EGFL7: variants seen among roughly 807,000 people sequenced by gnomAD.
EGFL7 encodes the protein epidermal growth factor-like protein 7.
A neutral mutation model predicts 37.1 loss-of-function variants in EGFL7; 48 were observed. That is an observed-to-expected ratio of 1.29 (90% CI 1.03 to 1.65). The LOEUF is 1.65. EGFL7 is among the 40% of genes most tolerant of loss of function. The pLI, the probability that EGFL7 is intolerant of heterozygous loss-of-function variation, is 0.00. For missense variants in EGFL7, 384 were observed against 378.9 expected (o/e 1.01, Z -0.11); for synonymous variants, 180 against 156.8 (o/e 1.15, Z -1.10).
chr9:136,666,903 C>T lies in EGFL7; in HGVS notation c.-42-1338C>T, dbSNP rs2119111397. 6.6e-6 allele frequency among the ~76,000 whole-genome samples: 1 copy of T among 152,224 alleles called. No homozygotes were observed. Among genetic ancestry groups the T allele is most frequent in the Non-Finnish European group, 1.5e-5 (1 of 67,996 alleles). Reference sequence around the variant, plus strand: ...TCGACAAACTCCTGCCCAAAAACTGCTGTGATGCCCCCCCTGCCCCCAAGC... The same window carrying T: ...TCGACAAACTCCTGCCCAAAAACTGTTGTGATGCCCCCCCTGCCCCCAAGC... On this transcript the variant is annotated intron_variant, in intron 3 of 10. Transcript: ENST00000308874. The surrounding 1 kb of genome is among the most constrained non-coding windows in gnomAD (Gnocchi z 6.8).
chr9:136,664,968 C>T (rs943187142), intron 3 of EGFL7, among the ~76,000 whole-genome samples, 183 bp downstream of exon 3: 1 of 152,262 alleles, frequency 6.6e-6, no homozygotes, highest in Non-Finnish European at 1.5e-5. Context: ...ACGACCTCAC[C>T]GTCACTAGAT....
rs1845978834 is a variant in EGFL7, at chr9:136,672,386, C to G, written c.*100C>G. The stretch of plus-strand genomic sequence containing the variant: ...GGGTCCAGAAACCACCTCGGGGTGA[C>G]TGAGCGGAAGGCCAGGCAGGGCCTT... On this transcript the variant is annotated 3_prime_UTR_variant, in exon 11 of 11. Coordinates refer to ENST00000308874, the MANE Select transcript of EGFL7 (RefSeq NM_016215.5). The G allele has an allele frequency of 6.6e-7, 1 of 1,507,212 alleles. No individual in the cohort carries two copies. The highest frequency in any genetic ancestry group is 1.7e-5 in the Admixed American group (1 of 58,448). The allele number at this position is 1,507,212 out of a possible 1,614,324, so 93.4% of individuals were successfully genotyped here.
chr9:136,662,570 G>A (rs1386138473), upstream of EGFL7, among the ~76,000 whole-genome samples: 1 of 152,160 alleles, frequency 6.6e-6, no homozygotes, highest in African/African-American at 2.4e-5. Flanking sequence ...GCTCCCTTCT[G>A]TCCAGCCACA....
In EGFL7 at chr9:136,670,512, C is replaced by T. The variant is rs78242242; in HGVS notation, c.571+182C>T. ...TCCCGAGAACTGGGGGCAGGTTGCCCGGAGCCTCATATCAGCCAAGAAGGC... is the reference window on the plus strand; with the variant it reads ...TCCCGAGAACTGGGGGCAGGTTGCCTGGAGCCTCATATCAGCCAAGAAGGC... On this transcript the variant is annotated intron_variant, in intron 8 of 10. Transcript: ENST00000308874. 790 of 860,786 alleles carry T rather than the reference C, an allele frequency of 9.2e-4. 3 individuals are homozygous for T. The East Asian group carries it at 0.012, about 13-fold the overall frequency. The allele number at this position is 860,786 out of a possible 1,614,324, so 53.3% of individuals were successfully genotyped here.
chr9:136,672,008 T>TTCCAGCTGGAA lies in EGFL7; in HGVS notation c.719_720insTCCAGCTGGAA (p.Val241ProfsTer17). The TTCCAGCTGGAA allele has an allele frequency of 1.3e-6, 2 of 1,544,250 alleles. No individual in the cohort carries two copies. Among genetic ancestry groups the TTCCAGCTGGAA allele is most frequent in the South Asian group, 2.4e-5 (2 of 84,044 alleles). The stretch of plus-strand genomic sequence containing the variant: ...GGGCTCCCGGACCCCGGCAGCCTCC[T>TTCCAGCTGGAA]GGTGCACTCCTTCCAGCAGCTCGGC... On this transcript the variant is annotated frameshift_variant, in exon 10 of 11. Coordinates refer to ENST00000308874, the MANE Select transcript of EGFL7 (RefSeq NM_016215.5). LOFTEE classifies it high-confidence loss of function.
At chr9:136,661,143 C>T (rs1377138601), upstream of EGFL7, among the ~76,000 whole-genome samples, 1 of 152,158 alleles carries the variant, frequency 6.6e-6, no homozygotes, top group East Asian at 1.9e-4. Context: ...CGCTGGGGGC[C>T]TTCCCGGTGA....
chr9:136,659,544 G>A (rs1845009310), upstream of EGFL7: 1 of 152,262 alleles, frequency 6.6e-6, no homozygotes, highest in African/African-American at 2.4e-5. Flanking sequence ...AAGCACCCTG[G>A]TGAGGGGTCC....
chr9:136,671,983 G>A lies in EGFL7; in HGVS notation c.694G>A (p.Gly232Arg). The A allele has an allele frequency of 1.9e-6, 3 of 1,542,016 alleles. No homozygotes were observed. Among genetic ancestry groups the A allele is most frequent in the Middle Eastern group, 1.9e-4 (1 of 5,266 alleles). ...CCTGGCCTCGCAGGCACTGGAGCAT[G>A]GGCTCCCGGACCCCGGCAGCCTCCT... ...HSLASQALEH[G>R]LPDPGSLLVH... Residue 232 changes from glycine (G) to arginine (R), a missense_variant, in exon 10 of 11, where the codon GGG becomes AGG. By Grantham distance (125) the Gly-to-Arg change is moderately radical. Coordinates refer to ENST00000308874, the MANE Select transcript of EGFL7 (RefSeq NM_016215.5).
At chr9:136,663,991 C>T (rs369358095) in intron 2 of EGFL7, among the ~76,000 whole-genome samples, 1 of 152,236 alleles carries the variant, frequency 6.6e-6, no homozygotes, top group African/African-American at 2.4e-5. Flanking sequence ...GTTAAGTGAC[C>T]GCAGATCCAG....
intron 4 of EGFL7, 24 bp downstream of exon 4, chr9:136,668,386 G>A: frequency 6.4e-7 from 1 of 1,565,904 alleles, no homozygotes; most frequent in Non-Finnish European, 8.7e-7. Flanking sequence ...TAGCCTGGGA[G>A]TGCTGGGGTG....
At chr9:136,662,105 C>T (rs568576051), upstream of EGFL7, among the ~76,000 whole-genome samples, 14 of 152,254 alleles carry the variant, frequency 9.2e-5, no homozygotes, top group African/African-American at 2.6e-4. Context: ...GCTGGGACGC[C>T]GGGAATCTGA....
chr9:136,661,475 G>C (rs577202372), upstream of EGFL7, among the ~76,000 whole-genome samples: 75 of 152,160 alleles, frequency 4.9e-4, no homozygotes, highest in Non-Finnish European at 8.8e-4. Flanking sequence ...TCCAACCTCA[G>C]GGCAGGGGCC....
At chr9:136,669,578 C>T in intron 5 of EGFL7, 28 bp from the exon 6 acceptor site, 2 of 1,554,700 alleles carry the variant, frequency 1.3e-6, no homozygotes, top group South Asian at 2.3e-5. Flanking sequence ...GTAGGATGCC[C>T]CTCTGAGCTG....
At chr9:136,670,035 C>T (rs759099456) in intron 7 of EGFL7, 26 bp downstream of exon 7, 1 of 1,585,670 alleles carries the variant, frequency 6.3e-7, no homozygotes, top group Admixed American at 1.7e-5. Flanking sequence ...CCCTGGGGGG[C>T]CCTGGAAGGG....
intron 8 of EGFL7, 55 bp from the exon 9 acceptor site, chr9:136,670,895 G>A (rs1845811265): frequency 2.7e-6 from 4 of 1,490,912 alleles, no homozygotes; most frequent in Non-Finnish European, 3.7e-6. Context: ...AGGGAGCCTG[G>A]GGGTGTGGGT....
chr9:136,668,007 C>T (rs1845582343), intron 3 of EGFL7, among the ~76,000 whole-genome samples: 1 of 152,268 alleles, frequency 6.6e-6, no homozygotes, highest in Non-Finnish European at 1.5e-5. Context: ...CTCTGGACAG[C>T]GTCACCCCCC....
At position 136,671,033 on chromosome 9, in the gene EGFL7, G is replaced by C. The variant is rs781464848; in HGVS notation, c.636+19G>C. The C allele has an allele frequency of 1.9e-4, 240 of 1,259,646 alleles. 5 individuals are homozygous for C. In the African/African-American group the frequency reaches 3.0e-3, roughly 16 times the overall value. 78.0% of individuals were successfully genotyped at this position (1,259,646 alleles called of 1,614,324 possible). Reference sequence around the variant, plus strand: ...GGAGGAGGTGAGGCATTGGTGGGGGGGGGGGGGGGCAGGCAGTCCAGGGTG... The same window carrying C: ...GGAGGAGGTGAGGCATTGGTGGGGGCGGGGGGGGGCAGGCAGTCCAGGGTG... On this transcript the variant is annotated intron_variant, in intron 9 of 10. Transcript: ENST00000308874.
At position 136,669,490 on chromosome 9, in the gene EGFL7, G is replaced by A. The variant is rs566095155; in HGVS notation, c.198-116G>A. ...CCTCAGTGCCATCCCTTGAGGAGAA[G>A]ACCCTTGGGGGCATGCTGGGGTGAC... On this transcript the variant is annotated intron_variant, in intron 5 of 10. Coordinates refer to ENST00000308874, the MANE Select transcript of EGFL7 (RefSeq NM_016215.5). 1.2e-4 allele frequency: 86 copies of A among 715,140 alleles called. No homozygotes were observed. In the East Asian group the frequency reaches 1.7e-3, roughly 14 times the overall value. 44.3% of individuals were successfully genotyped at this position (715,140 alleles called of 1,614,324 possible).
upstream of EGFL7, among the ~76,000 whole-genome samples, chr9:136,661,246 G>C (rs1479961137): frequency 6.6e-6 from 1 of 152,144 alleles, no homozygotes; most frequent in Non-Finnish European, 1.5e-5. Context: ...TGACAGCCTG[G>C]GGGACTGGGC....
Sources: allele counts gnomAD v4.1 joint callset (sites outside exome capture counted in the v4.1 genomes callset), GRCh38; gene constraint gnomAD v4.1.1; non-coding constraint Gnocchi (gnomAD v3.1); transcripts MANE v1.5; gene names NCBI Gene and HGNC (gene_info 2026-07-23, HGNC 2026-07-21).